The following LZTR1 variants were observed in gnomAD, a reference collection of about 807,000 sequenced individuals.
The protein encoded by LZTR1 is leucine zipper like post translational regulator 1.
In LZTR1, 260 loss-of-function variants were observed where a neutral mutation model predicts 105.7. The observed-to-expected ratio is 2.46, with a 90% CI of 2.22 to 2.72. The LOEUF is 2.72. Among genes scored for constraint, LZTR1 ranks in the 30% most tolerant of loss-of-function variants. The pLI, the probability that LZTR1 is intolerant of heterozygous loss-of-function variation, is 0.00. For synonymous variants in LZTR1, 490 were observed against 476.4 expected (o/e 1.03, Z -0.37); for missense variants, 1,214 against 1,166.9 (o/e 1.04, Z -0.59).
chr22:20,996,848 GT>G, intron 19 of LZTR1, 37 bp from the exon 20 acceptor site: 1 of 1,612,596 alleles, frequency 6.2e-7, no homozygotes, highest in Non-Finnish European at 8.5e-7. Context: ...CACTGAGTGG[GT>G]GAAAGGGGCA....
intron 18 of LZTR1, chr22:20,996,482 G>A (rs1014231377): frequency 1.7e-6 from 1 of 601,870 alleles, no homozygotes; most frequent in Non-Finnish European, 3.0e-6. Flanking sequence ...ATGGAACAGC[G>A]CTACAGATGT....
chr22:20,985,761 G>A (rs1924357568), intron 2 of LZTR1, 80 bp from the exon 3 acceptor site: 1 of 1,347,438 alleles, frequency 7.4e-7, no homozygotes, highest in Non-Finnish European at 1.1e-6. Context: ...ACTCTACCCT[G>A]GCTACATGCA....
At chr22:20,985,978 GTC>G in intron 3 of LZTR1, 81 bp downstream of exon 3, 4 of 1,418,944 alleles carry the variant, frequency 2.8e-6, no homozygotes, top group Non-Finnish European at 4.0e-6. Context: ...TGCTAGCAGA[GTC>G]TCTCTCATCA....
chr22:20,991,016 G>A (rs758525673), intron 8 of LZTR1: 9 of 163,770 alleles, frequency 5.5e-5, no homozygotes, highest in East Asian at 3.8e-4. Flanking sequence ...TGGAGGCCAC[G>A]GGTGCGTGGG....
In LZTR1 at chr22:20,983,046, G is replaced by A; in HGVS notation, c.220G>A (p.Val74Met). ...TTCCAGGCGCAGCAAGCACACAGTG[G>A]TGGCCTATAAAGATGCCATTTATGT... is the stretch of plus-strand genomic sequence containing the variant. ...VGARRSKHTV[V>M]AYKDAIYVFG... The change falls in exon 2 of 21, where the codon GTG (valine) becomes ATG (methionine). Residue 74 changes from valine to methionine, a missense_variant. Physicochemically the swap from Val to Met is conservative, Grantham distance 21. Transcript: ENST00000646124. The A allele has an allele frequency of 6.2e-7, 1 of 1,614,172 alleles. No individual in the cohort carries two copies. The highest frequency in any genetic ancestry group is 1.7e-5 in the Admixed American group (1 of 60,032).
chr22:20,988,792 G>T lies in LZTR1; in HGVS notation c.513G>T (p.Leu171Phe). The T allele has an allele frequency of 6.2e-7, 1 of 1,613,684 alleles. No individual in the cohort carries two copies. The highest frequency in any genetic ancestry group is 8.5e-7 in the Non-Finnish European group (1 of 1,179,660). Reference sequence around the variant, plus strand: ...CCCCTCTTCCCTCACACTCCAGGTTGCCAGTCGCTAGGTCAGCCCATGGGG... The same window carrying T: ...CCCCTCTTCCCTCACACTCCAGGTTTCCAGTCGCTAGGTCAGCCCATGGGG... ...QWTEWKIEGRLPVARSAHGAT... is the reference protein window; with the variant it reads ...QWTEWKIEGRFPVARSAHGAT... Residue 171 changes from leucine (L) to phenylalanine (F), a missense_variant, in exon 6 of 21, where the codon TTG becomes TTT. By Grantham distance (22) the Leu-to-Phe change is conservative. Coordinates refer to ENST00000646124, the MANE Select transcript of LZTR1 (RefSeq NM_006767.4).
intron 2 of LZTR1, among the ~76,000 whole-genome samples, chr22:20,985,059 A>ATTTTTTTTT (rs34655832): frequency 8.3e-6 from 1 of 120,330 alleles, no homozygotes; most frequent in African/African-American, 3.3e-5. Flanking sequence ...CTTCGTTTCT[A>ATTTTTTTTT]TTTTTTTTTT....
At position 20,992,981 on chromosome 22, in the gene LZTR1, G is replaced by T. The variant is rs553089274; in HGVS notation, c.1260+77G>T. 2.9e-6 allele frequency: 3 copies of T among 1,019,726 alleles called. No individual in the cohort carries two copies. In the South Asian group the frequency reaches 4.6e-5, roughly 16 times the overall value. The allele number at this position is 1,019,726 out of a possible 1,614,324, so 63.2% of individuals were successfully genotyped here. ...ATGAGAAACTGAGGCCAAGTTGGGG[G>T]GCAGGGCTTATCCAGGCCATTGCCA... On this transcript the variant is annotated intron_variant, in intron 11 of 20. Coordinates refer to ENST00000646124, the MANE Select transcript of LZTR1 (RefSeq NM_006767.4).
Position 20,994,907 on chromosome 22 carries a change from TCAAC to T in LZTR1, c.1826_1829del (p.Asn609ArgfsTer2). 6.2e-7 allele frequency: 1 copy of T among 1,613,406 alleles called. No homozygotes were observed. Among genetic ancestry groups the T allele is most frequent in the South Asian group, 1.1e-5 (1 of 91,090 alleles). Reference sequence around the variant, plus strand: ...AACTTCGTGGTAAAGGAGTCCCACTTCAACCAGGTGATCATGATGAAGGAGTTCG... The same window carrying T: ...AACTTCGTGGTAAAGGAGTCCCACTTCAGGTGATCATGATGAAGGAGTTCG... On this transcript the variant is annotated frameshift_variant, in exon 16 of 21. Transcript: ENST00000646124. LOFTEE classifies it high-confidence loss of function.
Position 20,994,128 on chromosome 22 carries a change from G to A in LZTR1, c.1474G>A (p.Val492Ile), listed in dbSNP as rs1224594586. ...GAAGCTGGAGCAGGAGGCCGCCCCAGTTCCCAGGGAGGCCCCCGGCGTGGC... is the reference window on the plus strand; with the variant it reads ...GAAGCTGGAGCAGGAGGCCGCCCCAATTCCCAGGGAGGCCCCCGGCGTGGC... Reference protein sequence around the residue: ...AQKLEQEAAPVPREAPGVAAG... With the variant: ...AQKLEQEAAPIPREAPGVAAG... The change falls in exon 14 of 21, where the codon GTT becomes ATT. Residue 492 changes from valine (V) to isoleucine (I), a missense_variant. Physicochemically the swap from Val to Ile is conservative, Grantham distance 29 (BLOSUM62 3). Coordinates refer to ENST00000646124, the MANE Select transcript of LZTR1 (RefSeq NM_006767.4). The A allele has an allele frequency of 6.3e-7, 1 of 1,587,144 alleles. No individual in the cohort carries two copies. Among genetic ancestry groups the A allele is most frequent in the Non-Finnish European group, 8.6e-7 (1 of 1,165,436 alleles).
At chr22:20,994,465 C>T (rs1924739962) in intron 14 of LZTR1, 93 bp from the exon 15 acceptor site, 2 of 1,418,038 alleles carry the variant, frequency 1.4e-6, no homozygotes, top group Non-Finnish European at 1.9e-6. Flanking sequence ...ACCTAGTGGC[C>T]CCAGCCCACA....
chr22:20,994,316 G>T, intron 14 of LZTR1, 47 bp downstream of exon 14: 1 of 1,572,450 alleles, frequency 6.4e-7, no homozygotes, highest in Non-Finnish European at 8.6e-7. Context: ...GCTGGGGTGC[G>T]GGCAGCAGAG....
intron 8 of LZTR1, chr22:20,991,244 A>G (rs565812438): frequency 4.7e-6 from 1 of 210,562 alleles, no homozygotes; most frequent in South Asian, 1.3e-4. Context: ...CAGGATGGGG[A>G]CTCAGCTGTG....
intron 7 of LZTR1, 72 bp downstream of exon 7, chr22:20,989,754 G>C: frequency 8.8e-7 from 1 of 1,131,472 alleles, no homozygotes; most frequent in Non-Finnish European, 1.3e-6. Flanking sequence ...GCAGGTGGAG[G>C]AGGTGAGGGG....
Position 20,982,406 on chromosome 22 carries a change from G to A in LZTR1, c.35G>A (p.Gly12Glu). The change falls in exon 1 of 21, where the codon GGG becomes GAG. Residue 12 changes from glycine (G) to glutamate (E), a missense_variant. Physicochemically the swap from Gly to Glu is moderately conservative, Grantham distance 98 (BLOSUM62 -2). Coordinates refer to ENST00000646124, the MANE Select transcript of LZTR1 (RefSeq NM_006767.4). ...CCGGGCAGCACGGGGGGGCAGATCG[G>A]GGCTGCGGCCCTGGCAGGCGGCGCG... Reference protein sequence around the residue: ...AGPGSTGGQIGAAALAGGARS... With the variant: ...AGPGSTGGQIEAAALAGGARS... 2 of 1,565,858 alleles carry A rather than the reference G, an allele frequency of 1.3e-6. No homozygotes were observed. The highest frequency in any genetic ancestry group is 1.7e-6 in the Non-Finnish European group (2 of 1,154,738).
intron 1 of LZTR1, 32 bp downstream of exon 1, chr22:20,982,603 G>C (rs1160868238): frequency 6.2e-7 from 1 of 1,601,468 alleles, no homozygotes; most frequent in Non-Finnish European, 8.5e-7. Context: ...CCTGAGGACA[G>C]GAAGGGCGAT....
chr22:20,994,099 C>T lies in LZTR1; in HGVS notation c.1450-5C>T, dbSNP rs760733168. On this transcript the variant is annotated splice_polypyrimidine_tract_variant and splice_region_variant and intron_variant, in intron 13 of 20. Coordinates refer to ENST00000646124, the MANE Select transcript of LZTR1 (RefSeq NM_006767.4). The stretch of plus-strand genomic sequence containing the variant: ...GGGTGTCCTTGAGCTCCCTTCTCCC[C>T]ACAGAAGCTGGAGCAGGAGGCCGCC... 3 of 1,577,396 alleles carry T rather than the reference C, an allele frequency of 1.9e-6. No homozygotes were observed. Among genetic ancestry groups the T allele is most frequent in the Non-Finnish European group, 1.7e-6 (2 of 1,159,816 alleles).
intron 12 of LZTR1, 42 bp downstream of exon 12, chr22:20,993,796 G>A (rs768357726): frequency 1.6e-5 from 26 of 1,582,054 alleles, no homozygotes; most frequent in African/African-American, 1.1e-4. Flanking sequence ...TGCTGTGCCT[G>A]GGCAGTGGGA....
chr22:20,992,767 A>C (rs776818058), intron 10 of LZTR1, 27 bp from the exon 11 acceptor site: 2 of 1,438,210 alleles, frequency 1.4e-6, no homozygotes, highest in Non-Finnish European at 1.9e-6. Context: ...CTCCCCCACC[A>C]TTCCACCCTG....
Sources: allele counts gnomAD v4.1 joint callset (sites outside exome capture counted in the v4.1 genomes callset), GRCh38; gene constraint gnomAD v4.1.1; transcripts MANE v1.5; gene names NCBI Gene and HGNC (gene_info 2026-07-23, HGNC 2026-07-21).